The following CS variants were observed in gnomAD, a reference collection of about 807,000 sequenced individuals.
CS encodes the protein citrate synthase, mitochondrial.
CS carries 13 observed loss-of-function variants against 61.4 expected under a neutral mutation model. The ratio of observed to expected loss-of-function variants is 0.21; its 90% CI spans 0.14 to 0.34. The LOEUF (loss-of-function observed/expected upper bound fraction) is 0.34. Among genes scored for constraint, CS ranks in the 10% least tolerant of loss-of-function variants. CS has a pLI of 1.00. For synonymous variants in CS, 159 were observed against 215.2 expected (o/e 0.74, Z 2.29); for missense variants, 278 against 573.4 (o/e 0.48, Z 5.26).
chr12:56,298,867 C>T lies in CS; in HGVS notation c.42+1293G>A, dbSNP rs553609372. ...CCAGCCTGGGCAACATAAGGAGACG[C>T]TGCCTCTACTAAAAATCAAAAAAGA... is the stretch of plus-strand genomic sequence containing the variant. On this transcript the variant is annotated intron_variant, in intron 1 of 10. Coordinates refer to ENST00000351328, the MANE Select transcript of CS (RefSeq NM_004077.3). 4.6e-5 allele frequency among the ~76,000 whole-genome samples: 7 copies of T among 152,150 alleles called. No homozygotes were observed. The South Asian group carries it at 1.5e-3, about 32-fold the overall frequency.
chr12:56,292,339 C>T (rs898777464), intron 1 of CS, among the ~76,000 whole-genome samples: 6 of 150,484 alleles, frequency 4.0e-5, no homozygotes, highest in Non-Finnish European at 5.9e-5. Flanking sequence ...TGCAGCGAGC[C>T]GAGATTGTGC....
Position 56,300,317 on chromosome 12 carries a change from G to T in CS, c.-116C>A. 1 of 1,171,590 alleles carries T rather than the reference G, an allele frequency of 8.5e-7. No individual in the cohort carries two copies. Among genetic ancestry groups the T allele is most frequent in the Non-Finnish European group, 1.2e-6 (1 of 833,086 alleles). 72.6% of individuals were successfully genotyped at this position (1,171,590 alleles called of 1,614,324 possible). On this transcript the variant is annotated 5_prime_UTR_variant, in exon 1 of 11. Coordinates refer to ENST00000351328, the MANE Select transcript of CS (RefSeq NM_004077.3). ...GCCGACGGGTTGACAAGGTTGAAAG[G>T]AGGCGGCTGAAGGAAAGAGTAGACG...
At chr12:56,274,320 T>TAAAA (rs59911757) in intron 9 of CS, 11 of 124,018 alleles carry the variant, frequency 8.9e-5, no homozygotes, top group Admixed American at 1.8e-4. Flanking sequence ...AGACTGTCTT[T>TAAAA]AAAAAAAAAA....
chr12:56,282,372 T>A (rs1170675901), intron 6 of CS, 48 bp downstream of exon 6: 1 of 1,427,044 alleles, frequency 7.0e-7, no homozygotes, highest in Non-Finnish European at 9.4e-7. Context: ...CACACTCAAG[T>A]CCTTTGAATC....
At chr12:56,300,073 G>A (rs1425242878) in intron 1 of CS, 87 bp downstream of exon 1, 3 of 1,356,734 alleles carry the variant, frequency 2.2e-6, no homozygotes, top group Admixed American at 2.3e-5. Flanking sequence ...GTGCGCACGG[G>A]TGTGGGAGGG....
At chr12:56,273,878 G>C in intron 9 of CS, 82 bp from the exon 10 acceptor site, 1 of 1,227,932 alleles carries the variant, frequency 8.1e-7, no homozygotes, top group Non-Finnish European at 1.2e-6. Flanking sequence ...CTGTCACCCA[G>C]GCTGGAGTGC....
chr12:56,299,955 G>A, intron 1 of CS: 1 of 516,750 alleles, frequency 1.9e-6, no homozygotes, highest in South Asian at 2.2e-5. Context: ...GAGGGCGGGC[G>A]GCGTGCACTT....
At chr12:56,276,957 TGGGA>T (rs1872636914) in intron 6 of CS, among the ~76,000 whole-genome samples, 1 of 152,086 alleles carries the variant, frequency 6.6e-6, no homozygotes, top group African/African-American at 2.4e-5. Context: ...GCCAGCACTT[TGGGA>T]GGCTGAGGCT....
At chr12:56,297,532 T>C (rs1268498422) in intron 1 of CS, among the ~76,000 whole-genome samples, 1 of 152,080 alleles carries the variant, frequency 6.6e-6, no homozygotes, top group African/African-American at 2.4e-5. Context: ...TGAAACCCCG[T>C]CTCTACCAAA....
rs148174458 is a variant in CS at position 56,276,193 on chromosome 12, C to A, written c.591G>T (p.Leu197Phe). ...QGISRTKYWE[L>F]IYEDSMDLIA... ...TTAGATCCATAGAGTCTTCATAAAT[C>A]AACTGACAGAAGAGGAGCAAGATGG... is the stretch of plus-strand genomic sequence containing the variant. The change falls in exon 7 of 11, where the codon TTG becomes TTT. Residue 197 changes from leucine to phenylalanine, a missense_variant and splice_region_variant. Leu to Phe is a conservative substitution (Grantham distance 22). Transcript: ENST00000351328. The A allele has an allele frequency of 1.9e-6, 3 of 1,613,726 alleles. No individual in the cohort carries two copies. The African/African-American group carries it at 4.0e-5, about 22-fold the overall frequency.
chr12:56,272,130 G>A lies in CS; in HGVS notation c.*954C>T, dbSNP rs1417110894. On this transcript the variant is annotated 3_prime_UTR_variant, in exon 11 of 11. Transcript: ENST00000351328. ...CTTGAATCAATTCCCTGTTCAAAAA[G>A]AGGTGCTAATACCCCGGGGACAAGA... 3.2e-6 allele frequency: 1 copy of A among 311,568 alleles called. No individual in the cohort carries two copies. Among genetic ancestry groups the A allele is most frequent in the Non-Finnish European group, 6.3e-6 (1 of 158,272 alleles). The allele number at this position is 311,568 out of a possible 1,614,324, so 19.3% of individuals were successfully genotyped here. A position where few individuals can be genotyped will look rare whatever the true frequency, so the allele number is the denominator to read the frequency against.
chr12:56,279,347 G>T (rs1355190783), intron 6 of CS, among the ~76,000 whole-genome samples: 1 of 152,142 alleles, frequency 6.6e-6, no homozygotes, highest in Non-Finnish European at 1.5e-5. Flanking sequence ...CTCCTTAAAA[G>T]CTCAAGAAGG....
chr12:56,277,520 C>T (rs1386828342), intron 6 of CS, among the ~76,000 whole-genome samples: 1 of 151,320 alleles, frequency 6.6e-6, no homozygotes, highest in African/African-American at 2.4e-5. Context: ...AAAAAAGACA[C>T]TAGGTTTTAA....
intron 1 of CS, 133 bp from the exon 2 acceptor site, chr12:56,286,778 TAA>T (rs1446405599): frequency 7.8e-6 from 6 of 773,408 alleles, no homozygotes; most frequent in Non-Finnish European, 1.1e-5. Context: ...AAGAAAGCTG[TAA>T]AAGTCCCCAA....
chr12:56,295,434 T>C (rs1472534302), intron 1 of CS, among the ~76,000 whole-genome samples: 4 of 151,440 alleles, frequency 2.6e-5, no homozygotes, highest in East Asian at 2.0e-4. Flanking sequence ...GGCAGGAGAA[T>C]AGCTTGAACC....
intron 6 of CS, among the ~76,000 whole-genome samples, chr12:56,282,179 C>CT (rs1366380619): frequency 1.3e-5 from 2 of 152,074 alleles, no homozygotes; most frequent in Non-Finnish European, 2.9e-5. Flanking sequence ...TTAATAATTT[C>CT]TTTTTTCTGC....
chr12:56,292,469 A>C (rs1438661973), intron 1 of CS, among the ~76,000 whole-genome samples: 1 of 151,892 alleles, frequency 6.6e-6, no homozygotes. Flanking sequence ...CAGCCAATGG[A>C]AACTGGAACT....
At chr12:56,282,364 C>A in intron 6 of CS, 56 bp downstream of exon 6, 1 of 1,375,084 alleles carries the variant, frequency 7.3e-7, no homozygotes, top group Non-Finnish European at 9.8e-7. Flanking sequence ...CCTCCCTTCA[C>A]ACTCAAGTCC....
chr12:56,279,562 C>T (rs1413340208), intron 6 of CS, among the ~76,000 whole-genome samples: 2 of 151,682 alleles, frequency 1.3e-5, no homozygotes, highest in African/African-American at 4.8e-5. Flanking sequence ...GTCAGGAGAT[C>T]GAGACAATCC....
Sources: allele counts gnomAD v4.1 joint callset (sites outside exome capture counted in the v4.1 genomes callset), GRCh38; gene constraint gnomAD v4.1.1; transcripts MANE v1.5; gene names NCBI Gene and HGNC (gene_info 2026-07-23, HGNC 2026-07-21).